Variants in FAM193B observed in about 807,000 individuals in gnomAD.
FAM193B encodes protein FAM193B.
A neutral mutation model predicts 70.7 loss-of-function variants in FAM193B; 27 were observed. That is an observed-to-expected ratio of 0.38 (90% confidence interval 0.28 to 0.53). The LOEUF (loss-of-function observed/expected upper bound fraction) is 0.53. Among genes scored for constraint, FAM193B ranks in the 20% least tolerant of loss-of-function variants. FAM193B has a pLI of 0.81. For missense variants in FAM193B, 1,022 were observed against 1,072.5 expected, an observed-to-expected ratio of 0.95 and a Z score of 0.66; for synonymous variants, 448 against 436.0, an observed-to-expected ratio of 1.03 and a Z score of -0.34.
chr5:177,524,422 C>A lies in FAM193B; in HGVS notation c.2059G>T (p.Ala687Ser), dbSNP rs1762268855. Reference sequence around the variant, plus strand: ...CCCCGGCTCCCCTCTCCAGCCTCAGCACAGCTGCCTACTTTGGGAAGCTCT... The same window carrying A: ...CCCCGGCTCCCCTCTCCAGCCTCAGAACAGCTGCCTACTTTGGGAAGCTCT... The part of the protein sequence containing the change: ...VLELPKVGSC[A>S]EAGEGSRGSR... Residue 687 changes from alanine (A) to serine (S), a missense_variant, in exon 6 of 9, where the codon GCT (alanine) becomes TCT (serine). Transcript: ENST00000514747. 1.2e-6 allele frequency: 2 copies of A among 1,600,244 alleles called. No individual in the cohort carries two copies. The highest frequency in any genetic ancestry group is 1.3e-5 in the African/African-American group (1 of 74,602).
chr5:177,543,659 A>G (rs925512883), intron 1 of FAM193B, among the ~76,000 whole-genome samples: 3 of 152,220 alleles, frequency 2.0e-5, no homozygotes, highest in Non-Finnish European at 2.9e-5. Flanking sequence ...TAGAGATGTT[A>G]TATTTATAGT....
In FAM193B at chr5:177,538,160, G is replaced by A. The variant is rs188547767; in HGVS notation, c.454-53C>T. ...CGGTCAAACAGCAAACATCGGAGCT[G>A]ACCCTCTGCTGCCTCAGCTTTTCCT... is the stretch of plus-strand genomic sequence containing the variant. On this transcript the variant is annotated intron_variant, in intron 2 of 8. Coordinates refer to ENST00000514747, the MANE Select transcript of FAM193B (RefSeq NM_001190946.3). This position sits in a 1 kb window ranked among gnomAD's most constrained non-coding sequence, Gnocchi z 4.1. 4,517 of 1,478,700 alleles carry A rather than the reference G, an allele frequency of 3.1e-3. 9 individuals carry two copies. The highest frequency in any genetic ancestry group is 3.7e-3 in the Non-Finnish European group (4,141 of 1,107,452). The allele number at this position is 1,478,700 out of a possible 1,614,324, so 91.6% of individuals were successfully genotyped here. A position where few individuals can be genotyped will look rare whatever the true frequency, so the allele number is the denominator to read the frequency against.
chr5:177,536,775 G>GA (rs1764230500), intron 3 of FAM193B, 30 bp from the exon 4 acceptor site: 2 of 1,542,976 alleles, frequency 1.3e-6, no homozygotes, highest in Admixed American at 2.0e-5. Flanking sequence ...AAAGGGGTCA[G>GA]AATGGGAGCC....
rs1286243494 is a variant in FAM193B, at chr5:177,532,082, G to C, written c.1275+361C>G. The C allele has an allele frequency of 7.7e-7, 1 of 1,300,742 alleles. No individual in the cohort carries two copies. Among genetic ancestry groups the C allele is most frequent in the South Asian group, 1.2e-5 (1 of 81,106 alleles). The allele number at this position is 1,300,742 out of a possible 1,614,324, so 80.6% of individuals were successfully genotyped here. On this transcript the variant is annotated intron_variant, in intron 5 of 8. Transcript: ENST00000514747. This position sits in a 1 kb window ranked among gnomAD's most constrained non-coding sequence, Gnocchi z 4.9. ...CTGGCTGTCACACTTGGGGGACTGA[G>C]AGCCTTTTTGCTTCCACTCTGCCTT...
At position 177,539,089 on chromosome 5, in the gene FAM193B, C is replaced by T. The variant is rs757212429; in HGVS notation, c.269G>A (p.Arg90His). ...AGAAGGGCCTTCTTCCCAGCCTTTG[C>T]GTTCCCGGTGACACAGCAGGCAGCA... Reference protein sequence around the residue: ...QTCCLLCHRERKGWEEGPSQN... With the variant: ...QTCCLLCHREHKGWEEGPSQN... The change falls in exon 2 of 9, where the codon CGC becomes CAC. Residue 90 changes from arginine (R) to histidine (H), a missense_variant. Transcript: ENST00000514747. The T allele has an allele frequency of 5.0e-6, 8 of 1,610,612 alleles. No homozygotes were observed. The highest frequency in any genetic ancestry group is 1.1e-5 in the South Asian group (1 of 90,668).
In FAM193B at chr5:177,554,489, A is replaced by ACGCCG. The variant is rs561538268; in HGVS notation, c.-36_-32dup. The ACGCCG allele has an allele frequency of 0.16, 98,851 of 604,522 alleles. 27,943 individuals carry two copies. Among genetic ancestry groups the ACGCCG allele is most frequent in the Middle Eastern group, 0.22 (288 of 1,310 alleles). The allele number at this position is 604,522 out of a possible 1,614,324, so 37.4% of individuals were successfully genotyped here. On this transcript the variant is annotated 5_prime_UTR_variant, in exon 1 of 9. Transcript: ENST00000514747. ...CGCTCGCGCCGCTCCCTCGCTCCACACGCCGCCGCCGCCGCCGCCGCCGCC... is the reference window on the plus strand; with the variant it reads ...CGCTCGCGCCGCTCCCTCGCTCCACACGCCGCGCCGCCGCCGCCGCCGCCGCCGCC...
chr5:177,538,784 A>T lies in FAM193B; in HGVS notation c.453+121T>A. 1 of 1,331,402 alleles carries T rather than the reference A, an allele frequency of 7.5e-7. No homozygotes were observed. Among genetic ancestry groups the T allele is most frequent in the Middle Eastern group, 2.7e-4 (1 of 3,760 alleles). The allele number at this position is 1,331,402 out of a possible 1,614,324, so 82.5% of individuals were successfully genotyped here. ...CAATGCTGTGCCAGTGCAGCCCAGA[A>T]GTCTCTCAGTGCCTGGGCATGGGAG... On this transcript the variant is annotated intron_variant, in intron 2 of 8. Coordinates refer to ENST00000514747, the MANE Select transcript of FAM193B (RefSeq NM_001190946.3). This position sits in a 1 kb window ranked among gnomAD's most constrained non-coding sequence, Gnocchi z 4.1.
intron 4 of FAM193B, among the ~76,000 whole-genome samples, chr5:177,535,280 C>T (rs374935627): frequency 7.2e-5 from 11 of 152,312 alleles, no homozygotes; most frequent in African/African-American, 2.6e-4. Context: ...AAGAACACCA[C>T]AAGAGAACAC....
rs1764430935 is a variant in FAM193B, at chr5:177,538,326, G to A, written c.454-219C>T. 1.3e-5 allele frequency among the ~76,000 whole-genome samples: 2 copies of A among 152,226 alleles called. No individual in the cohort carries two copies. The highest frequency in any genetic ancestry group is 4.1e-4 in the South Asian group (2 of 4,836). On this transcript the variant is annotated intron_variant, in intron 2 of 8. Transcript: ENST00000514747. This position sits in a 1 kb window ranked among gnomAD's most constrained non-coding sequence, Gnocchi z 4.1. ...CACTTACATGCAATGTGTGGAGACT[G>A]GGGAGAGAGACTCTGGTAGGGGCAG...
chr5:177,530,583 CCA>C (rs1763299574), intron 5 of FAM193B, among the ~76,000 whole-genome samples: 2 of 152,224 alleles, frequency 1.3e-5, no homozygotes, highest in Admixed American at 6.5e-5. Context: ...CTGGAATCCT[CCA>C]AGCTACCTTC....
intron 1 of FAM193B, chr5:177,553,477 A>C (rs1477155102): frequency 2.1e-5 from 23 of 1,107,580 alleles, no homozygotes; most frequent in Non-Finnish European, 2.6e-5. Context: ...CCCGCCTCTC[A>C]GTGAACTTTG....
chr5:177,550,882 T>A (rs1158359285), intron 1 of FAM193B, among the ~76,000 whole-genome samples: 2 of 152,174 alleles, frequency 1.3e-5, no homozygotes, highest in Non-Finnish European at 2.9e-5. Flanking sequence ...CAGGCTGGGG[T>A]GCAGTGGCGT....
At chr5:177,553,410 G>C (rs923312347) in intron 1 of FAM193B, 56 of 1,035,980 alleles carry the variant, frequency 5.4e-5, no homozygotes, top group Non-Finnish European at 6.3e-5. Context: ...AGCTTAGGGA[G>C]AGCCACCCAG....
chr5:177,538,140 A>T lies in FAM193B; in HGVS notation c.454-33T>A, dbSNP rs1464915311. On this transcript the variant is annotated intron_variant, in intron 2 of 8. Transcript: ENST00000514747. The surrounding 1 kb of genome is among the most constrained non-coding windows in gnomAD (Gnocchi z 4.1). The stretch of plus-strand genomic sequence containing the variant: ...AGGGGGAGGAAAAAGGCTCACGGTC[A>T]AACAGCAAACATCGGAGCTGACCCT... 3 of 1,509,968 alleles carry T rather than the reference A, an allele frequency of 2.0e-6. No individual in the cohort carries two copies. The highest frequency in any genetic ancestry group is 2.7e-6 in the Non-Finnish European group (3 of 1,121,744). 93.5% of individuals were successfully genotyped at this position (1,509,968 alleles called of 1,614,324 possible).
chr5:177,534,484 AAT>A (rs1763940259), intron 4 of FAM193B, among the ~76,000 whole-genome samples: 1 of 150,088 alleles, frequency 6.7e-6, no homozygotes, highest in Non-Finnish European at 1.5e-5. Context: ...TTGTATTTTT[AAT>A]AGAGATGAGG....
chr5:177,527,161 TG>T (rs1451537748), intron 5 of FAM193B, among the ~76,000 whole-genome samples: 5 of 150,320 alleles, frequency 3.3e-5, no homozygotes, highest in Non-Finnish European at 7.4e-5. Context: ...GAATAGCAAG[TG>T]GAAAGGCTGG....
chr5:177,546,829 T>C (rs1323480338), intron 1 of FAM193B, among the ~76,000 whole-genome samples: 1 of 152,200 alleles, frequency 6.6e-6, no homozygotes, highest in Non-Finnish European at 1.5e-5. Flanking sequence ...CCTAAAACTT[T>C]CTGTTTTAAT....
rs768777755 is a variant in FAM193B, at chr5:177,536,498, T to A, written c.936A>T (p.Leu312=). 6.4e-7 allele frequency: 1 copy of A among 1,554,182 alleles called. No homozygotes were observed. The highest frequency in any genetic ancestry group is 8.6e-7 in the Non-Finnish European group (1 of 1,156,956). Residue 312 remains leucine, a synonymous_variant, in exon 4 of 9, where the codon CTA becomes CTT. Transcript: ENST00000514747. ...HTPGPCQSSH[L]PSTSMPLLKM... ...TCAGGAGCGGCATGCTGGTGGAGGG[T>A]AGATGGGAGCTCTGACATGGCCCTG...
chr5:177,522,114 C>G (rs1761842742), intron 7 of FAM193B, 43 bp from the exon 8 acceptor site: 1 of 1,511,182 alleles, frequency 6.6e-7, no homozygotes, highest in Non-Finnish European at 9.2e-7. Flanking sequence ...ATCAGAGGTT[C>G]ATTCTTTTGC....
Sources: gnomAD v4.1 joint callset for allele counts (sites outside exome capture counted in the v4.1 genomes callset) on GRCh38, gnomAD v4.1.1 for gene constraint, Gnocchi (gnomAD v3.1) non-coding constraint, MANE v1.5 for transcripts, NCBI Gene and HGNC (gene_info 2026-07-23, HGNC 2026-07-21) for gene names.